Variants in RHCE observed in about 807,000 individuals in gnomAD.
RHCE encodes blood group Rh(CE) polypeptide.
In RHCE, 22 loss-of-function variants were observed where a neutral mutation model predicts 43.8. The ratio of observed to expected loss-of-function variants is 0.50; its 90% CI spans 0.36 to 0.72. The LOEUF (loss-of-function observed/expected upper bound fraction) is 0.72, where lower values mean the gene tolerates loss of function less well. Among genes scored for constraint, RHCE ranks in the 30% least tolerant of loss-of-function variants. The pLI is 0.00. For synonymous variants in RHCE, 156 were observed against 210.7 expected, an observed-to-expected ratio of 0.74 and a Z score of 2.25; for missense variants, 385 against 525.4, an observed-to-expected ratio of 0.73 and a Z score of 2.61.
chr1:25,411,381 G>A (rs1198376429), intron 1 of RHCE: 2 of 1,550,460 alleles, frequency 1.3e-6, no homozygotes, highest in Non-Finnish European at 1.7e-6. Flanking sequence ...ACAATGAGAA[G>A]CTCTCATTAC....
At chr1:25,370,976 G>A (rs1217076293) in intron 8 of RHCE, among the ~76,000 whole-genome samples, 2 of 145,044 alleles carry the variant, frequency 1.4e-5, no homozygotes, top group South Asian at 2.2e-4. Context: ...GGCTGGTCTC[G>A]AACTCCTGAC....
chr1:25,400,760 T>A (rs577553159), intron 3 of RHCE, among the ~76,000 whole-genome samples: 1 of 151,860 alleles, frequency 6.6e-6, no homozygotes, highest in South Asian at 2.1e-4. Flanking sequence ...AACTCTGGGT[T>A]TTCCCTCCCA....
intron 1 of RHCE, among the ~76,000 whole-genome samples, chr1:25,429,684 T>C (rs1171253024): frequency 6.6e-6 from 1 of 152,162 alleles, no homozygotes; most frequent in Non-Finnish European, 1.5e-5. Context: ...AGTAACATTA[T>C]CATCCATAGG....
intron 3 of RHCE, among the ~76,000 whole-genome samples, chr1:25,401,280 A>G (rs1646731837): frequency 6.6e-6 from 1 of 152,206 alleles, no homozygotes; most frequent in Admixed American, 6.5e-5. Context: ...AGACGAAGAA[A>G]CTAAAGCTCT....
chr1:25,372,922 A>G (rs1645657909), intron 8 of RHCE, among the ~76,000 whole-genome samples: 1 of 151,564 alleles, frequency 6.6e-6, no homozygotes, highest in African/African-American at 2.4e-5. Context: ...CTCCCATCTC[A>G]GCCTCCGGAG....
chr1:25,423,652 T>C (rs566626940), upstream of RHCE, among the ~76,000 whole-genome samples: 52 of 152,340 alleles, frequency 3.4e-4, no homozygotes, highest in Middle Eastern at 3.4e-3. Context: ...CTGACTCTTA[T>C]AAAAGGCCCC....
rs1444729618 is a variant in RHCE, at chr1:25,391,320, G to A, written c.635-405C>T. Among the ~76,000 whole-genome samples the A allele has an allele frequency of 1.3e-5, 2 of 152,074 alleles. 1 individual carries two copies. The highest frequency in any genetic ancestry group is 4.1e-4 in the South Asian group (2 of 4,824). On this transcript the variant is annotated intron_variant, in intron 4 of 9. Coordinates refer to ENST00000294413, the MANE Select transcript of RHCE (RefSeq NM_020485.8). The stretch of plus-strand genomic sequence containing the variant: ...CTGCCTCAGCCTCCCAAGTAGCTGG[G>A]ATTACAGGCGTGCACCACCATGCCC...
At chr1:25,421,223 C>T (rs1436740646), upstream of RHCE, among the ~76,000 whole-genome samples, 2 of 151,746 alleles carry the variant, frequency 1.3e-5, no homozygotes, top group East Asian at 1.9e-4. Context: ...TAAAACCTTA[C>T]TACATGACAG....
At chr1:25,429,914 T>C (rs1033211844) in intron 1 of RHCE, 6 of 151,284 alleles carry the variant, frequency 4.0e-5, no homozygotes, top group African/African-American at 1.5e-4. Flanking sequence ...TTATAAGGAG[T>C]AAATGAGCAA....
At chr1:25,370,796 T>C (rs1645584635) in intron 8 of RHCE, among the ~76,000 whole-genome samples, 1 of 150,934 alleles carries the variant, frequency 6.6e-6, no homozygotes. Context: ...TCACCCAGGC[T>C]GGAGTACCGT....
chr1:25,390,702 T>G (rs752342936), intron 5 of RHCE, 47 bp downstream of exon 5: 9 of 1,611,364 alleles, frequency 5.6e-6, no homozygotes, highest in Non-Finnish European at 7.6e-6. Flanking sequence ...ATATGTGTGC[T>G]AGTCCTGTTA....
intron 7 of RHCE, 198 bp downstream of exon 7, chr1:25,385,513 G>T (rs896188774): frequency 2.2e-5 from 17 of 779,104 alleles, no homozygotes; most frequent in Middle Eastern, 6.7e-4. Flanking sequence ...GGAAAGAAGA[G>T]GTGGCCTGGA....
At position 25,401,885 on chromosome 1, in the gene RHCE, T is replaced by C. The variant is rs116830413; in HGVS notation, c.486+711A>G. Among the ~76,000 whole-genome samples the C allele has an allele frequency of 9.3e-3, 1,418 of 152,210 alleles. 22 individuals carry two copies. The highest frequency in any genetic ancestry group is 0.032 in the African/African-American group (1,348 of 41,516). ...ATCTTTTCTTTTCTTTTTTCTTTTT[T>C]TTTTATTGGAGATGAAGTCTTGCTC... On this transcript the variant is annotated intron_variant, in intron 3 of 9. Coordinates refer to ENST00000294413, the MANE Select transcript of RHCE (RefSeq NM_020485.8).
chr1:25,401,936 G>A (rs1447592352), intron 3 of RHCE, among the ~76,000 whole-genome samples: 1 of 151,884 alleles, frequency 6.6e-6, no homozygotes, highest in East Asian at 1.9e-4. Flanking sequence ...CAGTGCAATG[G>A]CGCGATCTCA....
At chr1:25,394,708 G>A (rs998469275) in intron 3 of RHCE, among the ~76,000 whole-genome samples, 2 of 152,150 alleles carry the variant, frequency 1.3e-5, no homozygotes, top group African/African-American at 4.8e-5. Context: ...ACAAATGATG[G>A]TAAAAAGCCC....
At chr1:25,400,613 C>A (rs1571890313) in intron 3 of RHCE, among the ~76,000 whole-genome samples, 1 of 151,384 alleles carries the variant, frequency 6.6e-6, no homozygotes, top group East Asian at 1.9e-4. Flanking sequence ...TAACAACTCC[C>A]AAATTTATAT....
chr1:25,377,767 T>C (rs980547916), intron 7 of RHCE, among the ~76,000 whole-genome samples: 1 of 152,174 alleles, frequency 6.6e-6, no homozygotes, highest in African/African-American at 2.4e-5. Flanking sequence ...TCGGTGGGCA[T>C]GGTGGCATGC....
chr1:25,381,457 C>CTTTTTTT (rs757669054), intron 7 of RHCE, among the ~76,000 whole-genome samples: 7 of 134,266 alleles, frequency 5.2e-5, no homozygotes, highest in African/African-American at 1.1e-4. Flanking sequence ...TTTTCTTTTT[C>CTTTTTTT]TTTTTTTTTT....
At chr1:25,369,890 T>C (rs1294512809) in intron 9 of RHCE, among the ~76,000 whole-genome samples, 4 of 151,032 alleles carry the variant, frequency 2.6e-5, no homozygotes, top group African/African-American at 9.8e-5. Flanking sequence ...AGGCATGTGC[T>C]ACCACGCCCA....
Sources: allele counts gnomAD v4.1 joint callset (sites outside exome capture counted in the v4.1 genomes callset), GRCh38; gene constraint gnomAD v4.1.1; transcripts MANE v1.5; gene names NCBI Gene and HGNC (gene_info 2026-07-23, HGNC 2026-07-21).